The following COG6 variants were observed in gnomAD, a reference collection of about 807,000 sequenced individuals.
The protein encoded by COG6 is component of oligomeric golgi complex 6, also known as conserved oligomeric Golgi complex subunit 6.
A neutral mutation model predicts 88.8 loss-of-function variants in COG6; 74 were observed. The ratio of observed to expected loss-of-function variants is 0.83; its 90% CI spans 0.69 to 1.01. The LOEUF (loss-of-function observed/expected upper bound fraction) is 1.01. Ranked by LOEUF, COG6 falls within the 50% of genes least tolerant of loss-of-function variation. COG6 has a pLI of 0.00. For synonymous variants in COG6, 286 were observed against 278.7 expected (o/e 1.03, Z -0.26); for missense variants, 800 against 797.9 (o/e 1.00, Z -0.03).
chr13:39,757,596 A>G (rs907092849), downstream of COG6, among the ~76,000 whole-genome samples: 4 of 152,154 alleles, frequency 2.6e-5, no homozygotes, highest in East Asian at 1.9e-4. Flanking sequence ...TCAAATTACT[A>G]AAGTATGAAA....
At chr13:39,767,125 G>T (rs1881188251) in intron 18 of COG6, among the ~76,000 whole-genome samples, 1 of 152,110 alleles carries the variant, frequency 6.6e-6, no homozygotes, top group South Asian at 2.1e-4. Flanking sequence ...TGCCTAAAAA[G>T]TGCCTACAAT....
At chr13:39,783,520 T>C (rs748055472) in intron 18 of COG6, among the ~76,000 whole-genome samples, 14 of 152,224 alleles carry the variant, frequency 9.2e-5, no homozygotes, top group Non-Finnish European at 1.9e-4. Context: ...TGATGTTAAA[T>C]TCTTAGAGTC....
At chr13:39,749,898 A>G (rs1000023030) in intron 18 of COG6, among the ~76,000 whole-genome samples, 2 of 152,186 alleles carry the variant, frequency 1.3e-5, no homozygotes, top group Admixed American at 1.3e-4. Flanking sequence ...GAGATGTGAT[A>G]GAAAGTATGC....
At chr13:39,721,527 A>T (rs1878849866) in intron 15 of COG6, among the ~76,000 whole-genome samples, 1 of 152,062 alleles carries the variant, frequency 6.6e-6, no homozygotes, top group African/African-American at 2.4e-5. Context: ...TGGGTATTCC[A>T]AGTGGACAAA....
intron 18 of COG6, among the ~76,000 whole-genome samples, chr13:39,771,949 C>T (rs538748906): frequency 3.3e-5 from 5 of 152,292 alleles, no homozygotes; most frequent in Middle Eastern, 3.4e-3. Context: ...AAGGCTGAAG[C>T]CTGGCACAGA....
intron 5 of COG6, 53 bp from the exon 6 acceptor site, chr13:39,679,485 T>C: frequency 1.0e-6 from 1 of 993,834 alleles, no homozygotes. Context: ...CAGTTTTAAA[T>C]AATGCAATTT....
chr13:39,789,724 C>T (rs749955120), exon 19 of COG6: 1 of 152,194 alleles, frequency 6.6e-6, no homozygotes, highest in Non-Finnish European at 1.5e-5. Flanking sequence ...CTAACCTAGC[C>T]AATAGATGAA....
intron 15 of COG6, among the ~76,000 whole-genome samples, chr13:39,722,023 C>T (rs962898490): frequency 6.6e-6 from 1 of 152,068 alleles, no homozygotes; most frequent in Non-Finnish European, 1.5e-5. Flanking sequence ...TTAATCATCA[C>T]TTTTCTATGT....
intron 18 of COG6, among the ~76,000 whole-genome samples, chr13:39,776,927 G>T (rs7986796): frequency 0.66 from 99,839 of 152,072 alleles, 32,916 homozygotes; most frequent in East Asian, 0.77. Flanking sequence ...CTTTTCTATT[G>T]CTTTCTTTTT....
intron 18 of COG6, among the ~76,000 whole-genome samples, chr13:39,739,008 C>T (rs749632675): frequency 1.3e-5 from 2 of 152,038 alleles, no homozygotes; most frequent in African/African-American, 2.4e-5. Context: ...CATAGTTGAA[C>T]AGTACTACCA....
chr13:39,658,242 C>T (rs1874656755), intron 1 of COG6, among the ~76,000 whole-genome samples: 1 of 151,634 alleles, frequency 6.6e-6, no homozygotes, highest in Admixed American at 6.6e-5. Flanking sequence ...CTTGCTGGCT[C>T]AAGCGATCCT....
chr13:39,745,550 G>A (rs1051894094), intron 18 of COG6, among the ~76,000 whole-genome samples: 3 of 152,078 alleles, frequency 2.0e-5, no homozygotes, highest in East Asian at 1.9e-4. Flanking sequence ...ACCATCTCAC[G>A]CCAGTTAGAA....
intron 18 of COG6, among the ~76,000 whole-genome samples, chr13:39,734,261 C>T (rs1182159957): frequency 6.6e-6 from 1 of 151,934 alleles, no homozygotes; most frequent in African/African-American, 2.4e-5. Flanking sequence ...CCTTTTAGTA[C>T]TGCTTTTGCT....
At chr13:39,784,669 T>C (rs980730591) in intron 18 of COG6, among the ~76,000 whole-genome samples, 1 of 152,214 alleles carries the variant, frequency 6.6e-6, no homozygotes, top group African/African-American at 2.4e-5. Context: ...GATTCAAAGT[T>C]AAGGAAACCT....
intron 18 of COG6, among the ~76,000 whole-genome samples, chr13:39,745,892 A>G (rs1391388394): frequency 6.6e-6 from 1 of 152,200 alleles, no homozygotes; most frequent in Non-Finnish European, 1.5e-5. Flanking sequence ...ACCATAGAAT[A>G]CTATGCAGCC....
chr13:39,660,671 A>G (rs1874838487), intron 2 of COG6, 139 bp from the exon 3 acceptor site: 10 of 644,656 alleles, frequency 1.6e-5, no homozygotes, highest in Admixed American at 5.3e-5. Flanking sequence ...ATCATTTCCA[A>G]TTTTAAATAT....
At chr13:39,677,137 C>T (rs909271246) in intron 4 of COG6, among the ~76,000 whole-genome samples, 3 of 152,158 alleles carry the variant, frequency 2.0e-5, no homozygotes, top group Admixed American at 2.0e-4. Flanking sequence ...ATAAAAGCAT[C>T]TAGCAAACTG....
chr13:39,693,263 T>C lies in COG6; in HGVS notation c.1075-1371T>C, dbSNP rs150660310. Among the ~76,000 whole-genome samples, 1,153 of 152,062 alleles carry C rather than the reference T, an allele frequency of 7.6e-3. 17 individuals are homozygous for C. Among genetic ancestry groups the C allele is most frequent in the African/African-American group, 0.026 (1,072 of 41,516 alleles). ...TGGAGAGAGTTGGAAATTGTTTTTG[T>C]TTTTTCTTCCTTTCTCCCTCCTTTC... On this transcript the variant is annotated intron_variant, in intron 11 of 18. Transcript: ENST00000455146.
chr13:39,761,025 A>G (rs1261749939), intron 18 of COG6, among the ~76,000 whole-genome samples: 2 of 151,856 alleles, frequency 1.3e-5, no homozygotes, highest in African/African-American at 4.8e-5. Context: ...TGTCAGTATA[A>G]TAGAGAATCC....
Sources: gnomAD v4.1 joint callset for allele counts (sites outside exome capture counted in the v4.1 genomes callset) on GRCh38, gnomAD v4.1.1 for gene constraint, MANE v1.5 for transcripts, NCBI Gene and HGNC (gene_info 2026-07-23, HGNC 2026-07-21) for gene names.